SLAIN2: variants seen among roughly 807,000 people sequenced by gnomAD.
SLAIN2 encodes SLAIN motif-containing protein 2.
Under a neutral mutation model 56.6 loss-of-function variants are expected in SLAIN2, and 31 were observed. The ratio of observed to expected loss-of-function variants is 0.55; its 90% CI spans 0.41 to 0.74. SLAIN2 has a LOEUF of 0.74. Ranked by LOEUF, SLAIN2 falls within the 30% of genes least tolerant of loss-of-function variation. SLAIN2 has a pLI of 0.00. For missense variants in SLAIN2, 777 were observed against 754.2 expected, an observed-to-expected ratio of 1.03 and a Z score of -0.35; for synonymous variants, 317 against 284.9, an observed-to-expected ratio of 1.11 and a Z score of -1.13.
intron 1 of SLAIN2, among the ~76,000 whole-genome samples, chr4:48,364,179 G>A (rs1715441263): frequency 1.6e-5 from 1 of 61,036 alleles, no homozygotes; most frequent in Non-Finnish European, 3.7e-5. Context: ...GGGCAGAGAC[G>A]CTCCTCACCT....
At chr4:48,383,604 T>G in intron 5 of SLAIN2, 43 bp from the exon 6 acceptor site, 1 of 1,449,794 alleles carries the variant, frequency 6.9e-7, no homozygotes, top group Non-Finnish European at 9.2e-7. Flanking sequence ...ATTTTCTCCA[T>G]CTGAAAGAAT....
rs1717229419 is a variant in SLAIN2, at chr4:48,423,936, C to T, written c.*1859C>T. 6.6e-6 allele frequency: 1 copy of T among 152,068 alleles called. No individual in the cohort carries two copies. Among genetic ancestry groups the T allele is most frequent in the African/African-American group, 2.4e-5 (1 of 41,418 alleles). The allele number at this position is 152,068 out of a possible 1,614,324, so 9.4% of individuals were successfully genotyped here. On this transcript the variant is annotated 3_prime_UTR_variant, in exon 8 of 8. Transcript: ENST00000264313. The stretch of plus-strand genomic sequence containing the variant: ...AGTAAAAGAAAGAAGTAGCTACTGT[C>T]TCTTTTAAAAACCACGTACAAAACA...
At chr4:48,413,303 G>A (rs1716913762) in intron 6 of SLAIN2, among the ~76,000 whole-genome samples, 2 of 152,076 alleles carry the variant, frequency 1.3e-5, no homozygotes, top group African/African-American at 4.8e-5. Flanking sequence ...ACTGATCTGG[G>A]AATCTGGAGA....
chr4:48,343,990 C>T (rs1248295096), intron 1 of SLAIN2, among the ~76,000 whole-genome samples: 1 of 152,150 alleles, frequency 6.6e-6, no homozygotes, highest in Non-Finnish European at 1.5e-5. Flanking sequence ...TTAGCTGCAC[C>T]CATCAGCCCA....
At chr4:48,373,690 C>T (rs1715727954) in intron 2 of SLAIN2, among the ~76,000 whole-genome samples, 1 of 151,976 alleles carries the variant, frequency 6.6e-6, no homozygotes, top group South Asian at 2.1e-4. Flanking sequence ...GGAATTTTCC[C>T]TTAGGAAATG....
Position 48,382,630 on chromosome 4 carries a change from A to G in SLAIN2, c.925A>G (p.Thr309Ala), listed in dbSNP as rs1021726648. Residue 309 changes from threonine to alanine, a missense_variant, in exon 5 of 8, where the codon ACA (threonine) becomes GCA (alanine). Coordinates refer to ENST00000264313, the MANE Select transcript of SLAIN2 (RefSeq NM_020846.2). ...RRSSGSSCNS[T>A]RRGTFSDQEL... ...CAGTTCTGGTTCATCTTGCAATTCTACAAGACGGGGTACTTTTAGTGATCA... is the reference window on the plus strand; with the variant it reads ...CAGTTCTGGTTCATCTTGCAATTCTGCAAGACGGGGTACTTTTAGTGATCA... 6 of 1,613,186 alleles carry G rather than the reference A, an allele frequency of 3.7e-6. No individual in the cohort carries two copies. The highest frequency in any genetic ancestry group is 5.1e-6 in the Non-Finnish European group (6 of 1,179,334).
chr4:48,393,963 T>C (rs1173243559), intron 6 of SLAIN2, among the ~76,000 whole-genome samples: 2 of 152,160 alleles, frequency 1.3e-5, no homozygotes, highest in Admixed American at 6.5e-5. Context: ...CACACCAGCA[T>C]TACATAGCAT....
intron 1 of SLAIN2, among the ~76,000 whole-genome samples, chr4:48,359,346 G>A (rs184818175): frequency 1.2e-4 from 18 of 152,084 alleles, no homozygotes; most frequent in African/African-American, 4.1e-4. Flanking sequence ...TAAAAAATTT[G>A]CATCTAAAGA....
chr4:48,384,146 G>A (rs187587113), intron 6 of SLAIN2, among the ~76,000 whole-genome samples: 3 of 152,210 alleles, frequency 2.0e-5, no homozygotes, highest in African/African-American at 4.8e-5. Flanking sequence ...CCCTTAGTAC[G>A]TAAATTTTCT....
intron 1 of SLAIN2, among the ~76,000 whole-genome samples, chr4:48,364,020 A>G (rs1715435223): frequency 1.0e-5 from 1 of 97,424 alleles, no homozygotes; most frequent in Non-Finnish European, 2.3e-5. Flanking sequence ...CTGGGCGGAG[A>G]CGCTCCTCAC....
chr4:48,385,837 A>G (rs1194364573), intron 6 of SLAIN2, among the ~76,000 whole-genome samples: 3 of 151,918 alleles, frequency 2.0e-5, no homozygotes, highest in Admixed American at 6.6e-5. Context: ...AGCTGACTTC[A>G]TATACTTCAT....
At chr4:48,380,178 A>C (rs1188384784) in intron 4 of SLAIN2, among the ~76,000 whole-genome samples, 1 of 152,058 alleles carries the variant, frequency 6.6e-6, no homozygotes, top group Non-Finnish European at 1.5e-5. Flanking sequence ...TTTGTGTTTT[A>C]GTGTAAACCA....
chr4:48,371,104 G>GT (rs1715651985), intron 2 of SLAIN2, among the ~76,000 whole-genome samples: 1 of 147,466 alleles, frequency 6.8e-6, no homozygotes, highest in Non-Finnish European at 1.5e-5. Context: ...TTTGTTTTTT[G>GT]TTTTGTTTTT....
At chr4:48,412,831 A>G (rs370874840) in intron 6 of SLAIN2, among the ~76,000 whole-genome samples, 4 of 152,170 alleles carry the variant, frequency 2.6e-5, no homozygotes, top group Admixed American at 6.6e-5. Context: ...CTTGTCAGCA[A>G]TTGCCATTTT....
chr4:48,375,228 T>C (rs1560456297), intron 2 of SLAIN2, among the ~76,000 whole-genome samples: 1 of 152,186 alleles, frequency 6.6e-6, no homozygotes, highest in Non-Finnish European at 1.5e-5. Context: ...ATTTAGCAAC[T>C]GTATTTCTGC....
intron 1 of SLAIN2, among the ~76,000 whole-genome samples, chr4:48,367,097 T>C (rs563128184): frequency 6.6e-6 from 1 of 152,352 alleles, no homozygotes; most frequent in African/African-American, 2.4e-5. Flanking sequence ...AGGATTTCCT[T>C]TTAAATTGAG....
At chr4:48,386,446 C>T (rs1236977066) in intron 6 of SLAIN2, among the ~76,000 whole-genome samples, 1 of 152,184 alleles carries the variant, frequency 6.6e-6, no homozygotes. Context: ...AGAGTTGTCA[C>T]ATCTATGGTT....
In SLAIN2 at chr4:48,415,403, GTTGT is replaced by G. The variant is rs1253960372; in HGVS notation, c.1361-4715_1361-4712del. On this transcript the variant is annotated intron_variant, in intron 6 of 7. Coordinates refer to ENST00000264313, the MANE Select transcript of SLAIN2 (RefSeq NM_020846.2). Reference sequence around the variant, plus strand: ...TATCCTTCACCCACTTTTTGATGGGGTTGTTTGTTTTTTTCTTGTAAATTTGTTT... The same window carrying G: ...TATCCTTCACCCACTTTTTGATGGGGTTGTTTTTTTCTTGTAAATTTGTTT... Among the ~76,000 whole-genome samples, 4 of 61,266 alleles carry G rather than the reference GTTGT, an allele frequency of 6.5e-5. No individual in the cohort carries two copies. The East Asian group carries it at 1.3e-3, about 20-fold the overall frequency. The allele number at this position is 61,266 out of a possible 152,430, so 40.2% of individuals were successfully genotyped here. A position where few individuals can be genotyped will look rare whatever the true frequency, so the allele number is the denominator to read the frequency against.
At chr4:48,402,624 T>C (rs573347259) in intron 6 of SLAIN2, among the ~76,000 whole-genome samples, 1 of 152,322 alleles carries the variant, frequency 6.6e-6, no homozygotes, top group East Asian at 1.9e-4. Context: ...TATGTTCCTC[T>C]CTAAACTAGC....
Sources: gnomAD v4.1 joint callset for allele counts (sites outside exome capture counted in the v4.1 genomes callset) on GRCh38, gnomAD v4.1.1 for gene constraint, MANE v1.5 for transcripts, NCBI Gene and HGNC (gene_info 2026-07-23, HGNC 2026-07-21) for gene names.